COL11A1: variants seen among roughly 807,000 people sequenced by gnomAD.
COL11A1 encodes the protein collagen type XI alpha 1 chain.
In COL11A1, 74 loss-of-function variants were observed where a neutral mutation model predicts 265.2. The observed-to-expected ratio is 0.28, with a 90% confidence interval of 0.23 to 0.34. The LOEUF (loss-of-function observed/expected upper bound fraction) is 0.34, where lower values mean the gene tolerates loss of function less well. Ranked by LOEUF, COL11A1 falls within the 10% of genes least tolerant of loss-of-function variation. The probability of loss-of-function intolerance (pLI) is 1.00; values close to 1 mark genes in which losing one functional copy is unlikely to be tolerated. For missense variants in COL11A1, 2,165 were observed against 2,263.6 expected (o/e 0.96, Z 0.88); for synonymous variants, 816 against 727.6 (o/e 1.12, Z -1.96).
intron 59 of COL11A1, 103 bp downstream of exon 59, chr1:102,889,352 C>A: frequency 4.6e-6 from 4 of 874,980 alleles, no homozygotes. Context: ...TTAAGACACT[C>A]TAAATTCTTT....
At chr1:103,044,937 G>A (rs1003449946) in intron 4 of COL11A1, among the ~76,000 whole-genome samples, 2 of 152,054 alleles carry the variant, frequency 1.3e-5, no homozygotes, top group Non-Finnish European at 2.9e-5. Flanking sequence ...ATTATAAAGT[G>A]CAATCATGGA....
At chr1:102,954,434 C>T (rs1660169089) in intron 41 of COL11A1, among the ~76,000 whole-genome samples, 1 of 152,140 alleles carries the variant, frequency 6.6e-6, no homozygotes, top group African/African-American at 2.4e-5. Context: ...ACCTCATCAG[C>T]ATTCAGTTAA....
chr1:103,094,032 T>G (rs1240563677), intron 1 of COL11A1, among the ~76,000 whole-genome samples: 1 of 152,096 alleles, frequency 6.6e-6, no homozygotes, highest in Non-Finnish European at 1.5e-5. Context: ...AAGCAATAAA[T>G]TCCTCCTGAA....
At chr1:102,912,071 A>G in intron 54 of COL11A1, 88 bp downstream of exon 54, 1 of 1,083,358 alleles carries the variant, frequency 9.2e-7, no homozygotes, top group Non-Finnish European at 1.4e-6. Context: ...TTCTTATAAC[A>G]TGCTGCCTGC....
At chr1:102,949,484 G>A (rs1659663004) in intron 41 of COL11A1, among the ~76,000 whole-genome samples, 1 of 150,126 alleles carries the variant, frequency 6.7e-6, no homozygotes, top group South Asian at 2.1e-4. Context: ...ATCACACTAG[G>A]CTATGGCGAA....
chr1:103,038,198 C>T (rs1480241716), intron 4 of COL11A1, among the ~76,000 whole-genome samples: 1 of 152,154 alleles, frequency 6.6e-6, no homozygotes, highest in East Asian at 1.9e-4. Flanking sequence ...TGTAGTGGCT[C>T]ACACCAGTAA....
rs757697961 is a variant in COL11A1 at position 103,082,992 on chromosome 1, T to TA, written c.107-21dup. ...GAGCAGCTGAAAAATAAGCAAACAA[T>TA]AAAAAACCAGAATTGAACAACGATC... On this transcript the variant is annotated intron_variant, in intron 1 of 66. Coordinates refer to ENST00000370096, the MANE Select transcript of COL11A1 (RefSeq NM_001854.4). 2 of 1,610,746 alleles carry TA rather than the reference T, an allele frequency of 1.2e-6. No individual in the cohort carries two copies. Among genetic ancestry groups the TA allele is most frequent in the Non-Finnish European group, 1.7e-6 (2 of 1,178,282 alleles).
intron 9 of COL11A1, among the ~76,000 whole-genome samples, chr1:103,020,061 A>G (rs1396553263): frequency 6.6e-6 from 1 of 151,064 alleles, no homozygotes; most frequent in Admixed American, 6.6e-5. Flanking sequence ...ATGTGCATGT[A>G]TCTTTATAGC....
chr1:102,922,526 A>C (rs927811260), intron 47 of COL11A1, among the ~76,000 whole-genome samples: 4 of 152,118 alleles, frequency 2.6e-5, no homozygotes, highest in Admixed American at 2.6e-4. Context: ...CCTCCCGAGT[A>C]GCTGGGACTA....
intron 46 of COL11A1, among the ~76,000 whole-genome samples, chr1:102,933,157 G>T (rs1285880415): frequency 6.7e-6 from 1 of 149,804 alleles, no homozygotes; most frequent in Non-Finnish European, 1.5e-5. Flanking sequence ...CTTTGGAGGA[G>T]GAGAGGTGCT....
chr1:102,904,182 G>A (rs1483634978), intron 54 of COL11A1, among the ~76,000 whole-genome samples: 1 of 152,018 alleles, frequency 6.6e-6, no homozygotes, highest in Non-Finnish European at 1.5e-5. Flanking sequence ...TCCAGTTTTA[G>A]CTTTCTACAT....
In COL11A1 at chr1:102,923,318, C is replaced by T. The variant is rs550169511; in HGVS notation, c.3654+18G>A. The stretch of plus-strand genomic sequence containing the variant: ...GCATATAACACATACCCATCAAACA[C>T]CAAAAATAAAAACTTACCATGGGAC... On this transcript the variant is annotated intron_variant, in intron 47 of 66. Transcript: ENST00000370096. 4 of 1,600,790 alleles carry T rather than the reference C, an allele frequency of 2.5e-6. No individual in the cohort carries two copies. The highest frequency in any genetic ancestry group is 4.5e-5 in the East Asian group (2 of 44,214).
chr1:103,026,811 T>C (rs76617429), intron 5 of COL11A1, among the ~76,000 whole-genome samples: 12,018 of 152,010 alleles, frequency 0.079, 530 homozygotes, highest in Middle Eastern at 0.14. Context: ...TTCATATCTA[T>C]TGAGAGACGG....
chr1:103,020,256 T>C (rs1462544652), intron 9 of COL11A1, among the ~76,000 whole-genome samples: 2 of 143,084 alleles, frequency 1.4e-5, no homozygotes, highest in Non-Finnish European at 3.1e-5. Context: ...ACCTGTTGTT[T>C]CCTGACTTTT....
intron 4 of COL11A1, among the ~76,000 whole-genome samples, chr1:103,050,711 T>G (rs1374904827): frequency 6.6e-6 from 1 of 152,140 alleles, no homozygotes; most frequent in African/African-American, 2.4e-5. Context: ...TCTGCTCTGT[T>G]TTTTCCCCAT....
intron 44 of COL11A1, among the ~76,000 whole-genome samples, chr1:102,937,510 G>A (rs1408112719): frequency 6.6e-6 from 1 of 152,148 alleles, no homozygotes; most frequent in Admixed American, 6.5e-5. Flanking sequence ...AAATGGAGGT[G>A]TTTTGGTTCT....
chr1:102,972,696 G>C (rs559859630), intron 36 of COL11A1, among the ~76,000 whole-genome samples: 1 of 152,212 alleles, frequency 6.6e-6, no homozygotes, highest in East Asian at 1.9e-4. Context: ...AGGACAGAGA[G>C]AACAAATTCA....
Position 102,997,085 on chromosome 1 carries a change from C to G in COL11A1, c.2236G>C (p.Ala746Pro). 6.2e-7 allele frequency: 1 copy of G among 1,611,730 alleles called. No individual in the cohort carries two copies. Among genetic ancestry groups the G allele is most frequent in the Non-Finnish European group, 8.5e-7 (1 of 1,178,294 alleles). The change falls in exon 26 of 67, where the codon GCT (alanine) becomes CCT (proline). Residue 746 changes from alanine to proline, a missense_variant. By Grantham distance (27) the Ala-to-Pro change is conservative. Coordinates refer to ENST00000370096, the MANE Select transcript of COL11A1 (RefSeq NM_001854.4). ...GKEGQSGEKGALGPPGPQGPI... is the reference protein window; with the variant it reads ...GKEGQSGEKGPLGPPGPQGPI... ...ATGGATACTTTGGAACCTACCAGAG[C>G]CCCCTTTTCTCCAGACTGGCCTTCT...
chr1:102,946,699 C>G (rs751767795), intron 42 of COL11A1, 150 bp downstream of exon 42: 1 of 654,214 alleles, frequency 1.5e-6, no homozygotes, highest in African/African-American at 1.8e-5. Flanking sequence ...GAAATTTTCT[C>G]TATTATACAT....
Sources: gnomAD v4.1 joint callset for allele counts (sites outside exome capture counted in the v4.1 genomes callset) on GRCh38, gnomAD v4.1.1 for gene constraint, MANE v1.5 for transcripts, NCBI Gene and HGNC (gene_info 2026-07-23, HGNC 2026-07-21) for gene names.